Variants in TASOR observed in about 807,000 individuals in gnomAD.
The protein encoded by TASOR is protein TASOR.
TASOR carries 53 observed loss-of-function variants against 178.6 expected under a neutral mutation model. That is an observed-to-expected ratio of 0.30 (90% CI 0.24 to 0.37). TASOR has a LOEUF of 0.37. Ranked by LOEUF, TASOR falls within the 10% of genes least tolerant of loss-of-function variation. TASOR has a pLI of 1.00. For synonymous variants in TASOR, 713 were observed against 696.2 expected (o/e 1.02, Z -0.38); for missense variants, 1,815 against 1,971.4 (o/e 0.92, Z 1.50).
rs1332744013 is a variant in TASOR at position 56,668,565 on chromosome 3, T to C, written c.736-7A>G. On this transcript the variant is annotated splice_polypyrimidine_tract_variant and splice_region_variant and intron_variant, in intron 5 of 23. Transcript: ENST00000683822. ...ATATACTCTTTATTTTACCCTAAAA[T>C]AGAGAAAACCTTTTAAGTGTCTACC... 2 of 1,530,406 alleles carry C rather than the reference T, an allele frequency of 1.3e-6. No individual in the cohort carries two copies. The highest frequency in any genetic ancestry group is 2.5e-5 in the South Asian group (2 of 80,864). The allele number at this position is 1,530,406 out of a possible 1,614,324, so 94.8% of individuals were successfully genotyped here.
chr3:56,666,083 C>A (rs529301395), intron 7 of TASOR, among the ~76,000 whole-genome samples, 177 bp downstream of exon 7: 1 of 152,144 alleles, frequency 6.6e-6, no homozygotes, highest in African/African-American at 2.4e-5. Context: ...GGTAAACTGT[C>A]TGTTCTTCAC....
At position 56,660,831 on chromosome 3, in the gene TASOR, A is replaced by C; in HGVS notation, c.1268T>G (p.Leu423Trp). 1 of 1,613,342 alleles carries C rather than the reference A, an allele frequency of 6.2e-7. No individual in the cohort carries two copies. The highest frequency in any genetic ancestry group is 8.5e-7 in the Non-Finnish European group (1 of 1,179,796). The change falls in exon 11 of 24, where the codon TTG (leucine) becomes TGG (tryptophan). Residue 423 changes from leucine to tryptophan, a missense_variant. Physicochemically the swap from Leu to Trp is moderately conservative, Grantham distance 61. This residue lies in a region of TASOR where 504 missense variants were observed against 645.3 expected (regional missense o/e 0.78). Transcript: ENST00000683822. ...KETYLGPNEV[L>W]KNGMYCSLYE... ...AAGGCTGCAATACATTCCATTCTTC[A>C]AAACTGACATAAGAAAAATACATAG...
chr3:56,641,536 T>A lies in TASOR; in HGVS notation c.2432A>T (p.Lys811Ile). ...GGTAGAGTTCAACTCATACTCATGT[T>A]TTTGCCTCAGCTCTTCATAGGCATC... ...TDDAYEELRQ[K>I]HEYELNSTPD... is the part of the protein sequence containing the mutation. The change falls in exon 15 of 24, where the codon AAA becomes ATA. Residue 811 changes from lysine (K) to isoleucine (I), a missense_variant. By Grantham distance (102) the Lys-to-Ile change is moderately radical (BLOSUM62 -3). Transcript: ENST00000683822. 6.2e-7 allele frequency: 1 copy of A among 1,614,186 alleles called. No individual in the cohort carries two copies. The highest frequency in any genetic ancestry group is 1.6e-4 in the Middle Eastern group (1 of 6,062).
In TASOR at chr3:56,640,175, T is replaced by C; in HGVS notation, c.2620-45A>G. Reference sequence around the variant, plus strand: ...CTGAATAGCTTTATTTCCAATTCATTTTAATGTCAAGAATAAACTGTTTTT... The same window carrying C: ...CTGAATAGCTTTATTTCCAATTCATCTTAATGTCAAGAATAAACTGTTTTT... On this transcript the variant is annotated intron_variant, in intron 15 of 23. Coordinates refer to ENST00000683822, the MANE Select transcript of TASOR (RefSeq NM_001365635.2). 2.6e-6 allele frequency: 4 copies of C among 1,551,550 alleles called. No individual in the cohort carries two copies. In the South Asian group the frequency reaches 4.7e-5, roughly 18 times the overall value.
At chr3:56,651,268 TAA>T (rs11326574) in intron 11 of TASOR, among the ~76,000 whole-genome samples, 18 of 144,718 alleles carry the variant, frequency 1.2e-4, no homozygotes, top group African/African-American at 4.0e-4. Flanking sequence ...TGGTTATTCT[TAA>T]AAAAAAAAAA....
chr3:56,680,597 T>C (rs2031699042), intron 1 of TASOR, among the ~76,000 whole-genome samples: 2 of 152,164 alleles, frequency 1.3e-5, no homozygotes. Context: ...GTTGAATTTA[T>C]GTATTAAATT....
In TASOR at chr3:56,628,560, T is replaced by C; in HGVS notation, c.3802A>G (p.Arg1268Gly). 1.2e-6 allele frequency: 2 copies of C among 1,600,232 alleles called. No homozygotes were observed. The highest frequency in any genetic ancestry group is 1.3e-5 in the African/African-American group (1 of 74,746). Residue 1268 changes from arginine to glycine, a missense_variant, in exon 19 of 24, where the codon AGA (arginine) becomes GGA (glycine). This residue lies in a region of TASOR where 655 missense variants were observed against 671.1 expected (regional missense o/e 0.98). Transcript: ENST00000683822. ...TECHPEQFLE[R>G]RSKLDKLLII... is the part of the protein sequence containing the mutation. ...AATAGTTTATCTAATTTTGATCTTC[T>C]TTCCAAAAACTGTTCAGGATGACAT...
Position 56,651,224 on chromosome 3 carries a change from A to C in TASOR, c.1369-2167T>G, listed in dbSNP as rs898548952. ...ACTCTGCAGAAAAGAAAAATCCTGCAAATTGTGCTCCTGTTGTCTCTATTT... is the reference window on the plus strand; with the variant it reads ...ACTCTGCAGAAAAGAAAAATCCTGCCAATTGTGCTCCTGTTGTCTCTATTT... On this transcript the variant is annotated intron_variant, in intron 11 of 23. Transcript: ENST00000683822. 4.6e-5 allele frequency among the ~76,000 whole-genome samples: 7 copies of C among 152,186 alleles called. 1 individual carries two copies. Among genetic ancestry groups the C allele is most frequent in the Admixed American group, 1.3e-4 (2 of 15,292 alleles).
At chr3:56,628,243 C>G (rs1416914499) in intron 19 of TASOR, among the ~76,000 whole-genome samples, 1 of 152,208 alleles carries the variant, frequency 6.6e-6, no homozygotes, top group Non-Finnish European at 1.5e-5. Context: ...TCAGCAGACC[C>G]AATGGCATTC....
chr3:56,667,210 A>C (rs1009676615), intron 6 of TASOR, among the ~76,000 whole-genome samples: 1 of 152,220 alleles, frequency 6.6e-6, no homozygotes, highest in Non-Finnish European at 1.5e-5. Context: ...TGGTGAATAT[A>C]ATTTTTGCTA....
chr3:56,653,160 G>A (rs1309239708), intron 11 of TASOR, among the ~76,000 whole-genome samples: 1 of 150,266 alleles, frequency 6.7e-6, no homozygotes, highest in African/African-American at 2.4e-5. Context: ...CTACTCGGGA[G>A]GCTGAAACAG....
intron 18 of TASOR, chr3:56,628,869 T>C (rs938240576): frequency 3.9e-5 from 9 of 229,058 alleles, no homozygotes; most frequent in African/African-American, 2.1e-4. Flanking sequence ...CAAGCCACCC[T>C]CCCACCTCAG....
chr3:56,647,643 A>G (rs1455104296), intron 13 of TASOR, among the ~76,000 whole-genome samples: 4 of 152,196 alleles, frequency 2.6e-5, no homozygotes, highest in Non-Finnish European at 5.9e-5. Context: ...ACTTCACATG[A>G]ACAGATATGT....
Position 56,624,832 on chromosome 3 carries a change from T to G in TASOR, c.4314A>C (p.Leu1438Phe), listed in dbSNP as rs773741943. 6.2e-7 allele frequency: 1 copy of G among 1,614,064 alleles called. No homozygotes were observed. Among genetic ancestry groups the G allele is most frequent in the Non-Finnish European group, 8.5e-7 (1 of 1,179,998 alleles). The change falls in exon 22 of 24, where the codon TTA (leucine) becomes TTC (phenylalanine). Residue 1438 changes from leucine (L) to phenylalanine (F), a missense_variant. Leu to Phe is a conservative substitution (Grantham distance 22). Transcript: ENST00000683822. ...GCTTAGGAGTGCTCTCTTTACCTGT[T>G]AAAAAGACTATGTGTCGTTGCTGTA... Reference protein sequence around the residue: ...QNIQQRHIVFLTEKNIKMLSS... With the variant: ...QNIQQRHIVFFTEKNIKMLSS...
chr3:56,652,635 A>C (rs1268695213), intron 11 of TASOR, among the ~76,000 whole-genome samples: 1 of 152,194 alleles, frequency 6.6e-6, no homozygotes, highest in East Asian at 1.9e-4. Flanking sequence ...ATAGGCAAAG[A>C]ATACCGGAAT....
chr3:56,649,832 C>G (rs2077313036), intron 11 of TASOR, among the ~76,000 whole-genome samples: 1 of 152,174 alleles, frequency 6.6e-6, no homozygotes, highest in South Asian at 2.1e-4. Flanking sequence ...ACACCATGAG[C>G]AAAGGTGAGT....
chr3:56,683,256 A>C lies in TASOR; in HGVS notation c.-250T>G. The C allele has an allele frequency of 3.8e-5, 15 of 397,096 alleles. No individual in the cohort carries two copies. The highest frequency in any genetic ancestry group is 7.3e-5 in the South Asian group (1 of 13,690). 24.6% of individuals were successfully genotyped at this position (397,096 alleles called of 1,614,324 possible). On this transcript the variant is annotated 5_prime_UTR_variant, in exon 1 of 24. Coordinates refer to ENST00000683822, the MANE Select transcript of TASOR (RefSeq NM_001365635.2). Reference sequence around the variant, plus strand: ...TTCTTCTGCCTTCCCCCGCCACTCAACGTGCGCGCGTCGGGGCCGGGAGGG... The same window carrying C: ...TTCTTCTGCCTTCCCCCGCCACTCACCGTGCGCGCGTCGGGGCCGGGAGGG...
intron 18 of TASOR, among the ~76,000 whole-genome samples, chr3:56,630,002 G>T (rs1047669607): frequency 1.4e-5 from 2 of 147,686 alleles, no homozygotes; most frequent in Non-Finnish European, 3.0e-5. Context: ...GTCTCGCTCT[G>T]TCACCCAGGC....
intron 9 of TASOR, among the ~76,000 whole-genome samples, chr3:56,661,494 T>G (rs2077594932): frequency 6.6e-6 from 1 of 152,176 alleles, no homozygotes; most frequent in Non-Finnish European, 1.5e-5. Context: ...GATATATACA[T>G]GGGTAGATAG....
Sources: gnomAD v4.1 joint callset for allele counts (sites outside exome capture counted in the v4.1 genomes callset) on GRCh38, gnomAD v4.1.1 for gene constraint, gnomAD v4.1.1 regional missense constraint, MANE v1.5 for transcripts, NCBI Gene and HGNC (gene_info 2026-07-23, HGNC 2026-07-21) for gene names.